Variants in APBA1 observed in about 807,000 individuals in gnomAD.
APBA1 encodes the protein amyloid-beta A4 precursor protein-binding family A member 1.
APBA1 carries 55 observed loss-of-function variants against 86.6 expected under a neutral mutation model. The ratio of observed to expected loss-of-function variants is 0.64; its 90% CI spans 0.51 to 0.80. The LOEUF (loss-of-function observed/expected upper bound fraction) is 0.80, where lower values mean the gene tolerates loss of function less well. APBA1 is among the 30% of genes least tolerant of loss of function. APBA1 has a pLI of 0.00. For synonymous variants in APBA1, 511 were observed against 493.9 expected (o/e 1.03, Z -0.46); for missense variants, 1,090 against 1,183.0 (o/e 0.92, Z 1.15).
intron 1 of APBA1, among the ~76,000 whole-genome samples, chr9:69,658,495 TG>T (rs1823687812): frequency 6.6e-6 from 1 of 150,964 alleles, no homozygotes; most frequent in Admixed American, 6.6e-5. Flanking sequence ...CTCCACCTCC[TG>T]GGTTCAAGCA....
chr9:69,572,360 G>A (rs142456368), intron 1 of APBA1, among the ~76,000 whole-genome samples: 4 of 152,162 alleles, frequency 2.6e-5, no homozygotes, highest in African/African-American at 7.2e-5. Flanking sequence ...CTGTTCCTGC[G>A]TTAGTTTGCT....
At chr9:69,496,337 G>A (rs996557439) in intron 2 of APBA1, among the ~76,000 whole-genome samples, 2 of 152,022 alleles carry the variant, frequency 1.3e-5, no homozygotes, top group African/African-American at 4.8e-5. Flanking sequence ...ATGCTGACAG[G>A]TCTCTCTGTG....
intron 2 of APBA1, among the ~76,000 whole-genome samples, chr9:69,513,281 A>G (rs117615478): frequency 0.011 from 1,704 of 152,354 alleles, 29 homozygotes; most frequent in Non-Finnish European, 0.016. Flanking sequence ...CAAATGAATA[A>G]AAGCCAGCCT....
At chr9:69,492,611 T>C (rs1445360830) in intron 2 of APBA1, among the ~76,000 whole-genome samples, 2 of 152,116 alleles carry the variant, frequency 1.3e-5, no homozygotes, top group Admixed American at 1.3e-4. Flanking sequence ...AACTGCTGTG[T>C]GCAACTTCTG....
rs574526285 is a variant in APBA1, at chr9:69,584,015, T to C, written c.-69-66736A>G. On this transcript the variant is annotated intron_variant, in intron 1 of 12. Transcript: ENST00000265381. Reference sequence around the variant, plus strand: ...CGTTTTCTATGTGTAAATGCTTTTCTATCAGGCAACTGAGGAATGGCTAAG... The same window carrying C: ...CGTTTTCTATGTGTAAATGCTTTTCCATCAGGCAACTGAGGAATGGCTAAG... Among the ~76,000 whole-genome samples the C allele has an allele frequency of 2.6e-5, 4 of 152,376 alleles. No individual in the cohort carries two copies. The East Asian group carries it at 7.7e-4, about 29-fold the overall frequency.
chr9:69,430,549 G>T lies in APBA1; in HGVS notation c.*778C>A, dbSNP rs1379301665. ...GATATGCAAATGGGACTGTGTGTGT[G>T]TGTGTGTGTGTGAGAGAGAGAGAAG... On this transcript the variant is annotated 3_prime_UTR_variant, in exon 13 of 13. Coordinates refer to ENST00000265381, the MANE Select transcript of APBA1 (RefSeq NM_001163.4). 6.6e-6 allele frequency: 1 copy of T among 151,252 alleles called. No homozygotes were observed. Among genetic ancestry groups the T allele is most frequent in the Non-Finnish European group, 1.5e-5 (1 of 68,190 alleles). The allele number at this position is 151,252 out of a possible 1,614,324, so 9.4% of individuals were successfully genotyped here.
At chr9:69,492,091 A>C (rs530621590) in intron 2 of APBA1, among the ~76,000 whole-genome samples, 2 of 152,180 alleles carry the variant, frequency 1.3e-5, no homozygotes, top group Non-Finnish European at 2.9e-5. Flanking sequence ...TTAATTTTAT[A>C]TTGTGGCCTA....
intron 1 of APBA1, among the ~76,000 whole-genome samples, chr9:69,519,535 C>T (rs1279547346): frequency 1.3e-5 from 2 of 152,316 alleles, no homozygotes; most frequent in South Asian, 2.1e-4. Context: ...ACATTGGGTT[C>T]TTAAGGTACA....
At chr9:69,525,557 T>A (rs1026853645) in intron 1 of APBA1, among the ~76,000 whole-genome samples, 2 of 151,268 alleles carry the variant, frequency 1.3e-5, no homozygotes, top group African/African-American at 4.9e-5. Flanking sequence ...CAAGGAGAAC[T>A]ATAAGACACT....
At chr9:69,527,329 G>A (rs1836360027) in intron 1 of APBA1, among the ~76,000 whole-genome samples, 1 of 152,034 alleles carries the variant, frequency 6.6e-6, no homozygotes, top group Non-Finnish European at 1.5e-5. Context: ...ATGTAGGGTT[G>A]GAAAACAAGC....
At position 69,516,593 on chromosome 9, in the gene APBA1, C is replaced by A; in HGVS notation, c.618G>T (p.Glu206Asp). 1 of 1,603,722 alleles carries A rather than the reference C, an allele frequency of 6.2e-7. No homozygotes were observed. Among genetic ancestry groups the A allele is most frequent in the Non-Finnish European group, 8.5e-7 (1 of 1,179,096 alleles). Reference protein sequence around the residue: ...HVYEEIGDAPELDARDGLRLY... With the variant: ...HVYEEIGDAPDLDARDGLRLY... ...GCCGCAGGCCGTCGCGTGCGTCCAG[C>A]TCGGGCGCGTCCCCTATCTCCTCGT... Residue 206 changes from glutamate to aspartate, a missense_variant, in exon 2 of 13, where the codon GAG becomes GAT. By Grantham distance (45) the Glu-to-Asp change is conservative (BLOSUM62 2). Around this residue, in one of 6 missense-constraint regions of APBA1, gnomAD observed 678 missense variants for 647.1 expected, o/e 1.05. Coordinates refer to ENST00000265381, the MANE Select transcript of APBA1 (RefSeq NM_001163.4). The surrounding 1 kb of genome is among the most constrained non-coding windows in gnomAD (Gnocchi z 7.3).
chr9:69,441,848 A>G (rs901230194), intron 10 of APBA1, among the ~76,000 whole-genome samples: 1 of 152,214 alleles, frequency 6.6e-6, no homozygotes, highest in African/African-American at 2.4e-5. Flanking sequence ...GTAGAGGGAA[A>G]GCTGATCTTC....
chr9:69,622,086 C>T (rs1245531774), intron 1 of APBA1, among the ~76,000 whole-genome samples: 1 of 152,202 alleles, frequency 6.6e-6, no homozygotes, highest in Admixed American at 6.5e-5. Context: ...CTCCTTAAGC[C>T]CAGACTCTGA....
Position 69,538,620 on chromosome 9 carries a change from A to G in APBA1, c.-69-21341T>C, listed in dbSNP as rs139017816. On this transcript the variant is annotated intron_variant, in intron 1 of 12. Coordinates refer to ENST00000265381, the MANE Select transcript of APBA1 (RefSeq NM_001163.4). ...GTGCCTGGCACACAGTAGGACCTCA[A>G]ACAAGTTTGCTGAATGATGAGTTAT... Among the ~76,000 whole-genome samples, 424 of 152,310 alleles carry G rather than the reference A, an allele frequency of 2.8e-3. 5 individuals carry two copies. The highest frequency in any genetic ancestry group is 8.8e-4 in the Non-Finnish European group (60 of 68,020).
intron 1 of APBA1, among the ~76,000 whole-genome samples, chr9:69,662,470 C>G (rs1823771760): frequency 6.6e-6 from 1 of 152,120 alleles, no homozygotes; most frequent in Admixed American, 6.5e-5. Flanking sequence ...CACAATCATA[C>G]CTGAACATAA....
intron 1 of APBA1, among the ~76,000 whole-genome samples, chr9:69,546,587 TTAAG>T (rs1365567433): frequency 2.4e-4 from 36 of 152,314 alleles, no homozygotes; most frequent in Non-Finnish European, 4.3e-4. Context: ...TAGAACTAGC[TTAAG>T]TAAGTTGCCC....
At chr9:69,605,117 C>T (rs1822446038) in intron 1 of APBA1, among the ~76,000 whole-genome samples, 1 of 152,180 alleles carries the variant, frequency 6.6e-6, no homozygotes, top group South Asian at 2.1e-4. Context: ...TATAACCTTT[C>T]TCCTGCCCTT....
At chr9:69,543,376 G>C (rs998378984) in intron 1 of APBA1, among the ~76,000 whole-genome samples, 8 of 151,478 alleles carry the variant, frequency 5.3e-5, no homozygotes, top group Non-Finnish European at 1.2e-4. Flanking sequence ...AGGAAACCTG[G>C]AAACCATTAG....
intron 11 of APBA1, among the ~76,000 whole-genome samples, chr9:69,433,496 C>A (rs1834640482): frequency 6.6e-6 from 1 of 152,232 alleles, no homozygotes; most frequent in Non-Finnish European, 1.5e-5. Flanking sequence ...CTCAGCTAGT[C>A]TGGGGTCAAA....
Sources: allele counts gnomAD v4.1 joint callset (sites outside exome capture counted in the v4.1 genomes callset), GRCh38; gene constraint gnomAD v4.1.1; regional missense constraint gnomAD v4.1.1; non-coding constraint Gnocchi (gnomAD v3.1); transcripts MANE v1.5; gene names NCBI Gene and HGNC (gene_info 2026-07-23, HGNC 2026-07-21).